Variants in SYNPR observed in about 807,000 individuals in gnomAD.
SYNPR encodes synaptoporin.
In SYNPR, 23 loss-of-function variants were observed where a neutral mutation model predicts 32.9. That is an observed-to-expected ratio of 0.70 (90% CI 0.50 to 0.99). The LOEUF is 0.99. SYNPR is among the 50% of genes least tolerant of loss of function. The pLI is 0.00. For missense variants in SYNPR, 318 were observed against 349.3 expected, an observed-to-expected ratio of 0.91 and a Z score of 0.71; for synonymous variants, 146 against 135.9, an observed-to-expected ratio of 1.07 and a Z score of -0.52.
At chr3:63,443,993 T>C (rs537273258) in intron 2 of SYNPR, among the ~76,000 whole-genome samples, 3 of 152,214 alleles carry the variant, frequency 2.0e-5, no homozygotes, top group South Asian at 2.1e-4. Flanking sequence ...TACGATTGGA[T>C]GCATGCACCT....
At chr3:63,537,129 A>G (rs1026257614) in intron 3 of SYNPR, among the ~76,000 whole-genome samples, 1 of 152,076 alleles carries the variant, frequency 6.6e-6, no homozygotes, top group Non-Finnish European at 1.5e-5. Flanking sequence ...TGTTAATTTT[A>G]TCTCCATAAA....
chr3:63,457,109 C>T (rs1350604362), intron 2 of SYNPR, among the ~76,000 whole-genome samples: 4 of 151,986 alleles, frequency 2.6e-5, no homozygotes, highest in African/African-American at 9.7e-5. Flanking sequence ...GCTAAGAATG[C>T]CTTTTGTAGC....
intron 1 of SYNPR, among the ~76,000 whole-genome samples, chr3:63,233,508 A>C (rs1490008176): frequency 6.6e-6 from 1 of 152,194 alleles, no homozygotes; most frequent in African/African-American, 2.4e-5. Flanking sequence ...TATGGATACC[A>C]CTGCCATTAC....
chr3:63,589,166 G>A (rs1007325657), intron 4 of SYNPR, among the ~76,000 whole-genome samples: 2 of 152,066 alleles, frequency 1.3e-5, no homozygotes, highest in Non-Finnish European at 2.9e-5. Context: ...TCCTGAGACT[G>A]CTTTGAGAAC....
chr3:63,496,736 A>T (rs1036608295), intron 3 of SYNPR, among the ~76,000 whole-genome samples: 2 of 152,142 alleles, frequency 1.3e-5, no homozygotes, highest in Non-Finnish European at 2.9e-5. Flanking sequence ...GCCAAAAAAA[A>T]TTTAAGAAGA....
chr3:63,440,002 C>T (rs772742742), intron 2 of SYNPR, among the ~76,000 whole-genome samples: 24 of 151,972 alleles, frequency 1.6e-4, no homozygotes, highest in East Asian at 1.9e-4. Context: ...CTTTTGTGGA[C>T]GTCTTAGTAA....
intron 2 of SYNPR, among the ~76,000 whole-genome samples, chr3:63,383,613 C>G (rs1560212117): frequency 6.6e-6 from 1 of 151,904 alleles, no homozygotes; most frequent in African/African-American, 2.4e-5. Context: ...CCACTGCCCT[C>G]CAGCCTAGGC....
At chr3:63,253,905 T>G (rs2086359330) in intron 2 of SYNPR, among the ~76,000 whole-genome samples, 1 of 152,140 alleles carries the variant, frequency 6.6e-6, no homozygotes, top group African/African-American at 2.4e-5. Context: ...TAGCAAAGAC[T>G]TGGAACCAAC....
chr3:63,423,330 C>T (rs1699833013), intron 2 of SYNPR, among the ~76,000 whole-genome samples: 1 of 152,122 alleles, frequency 6.6e-6, no homozygotes, highest in Non-Finnish European at 1.5e-5. Context: ...CTCCCTGCCC[C>T]ACACACATAG....
rs1393183961 is a variant in SYNPR, at chr3:63,408,332, G to T, written c.85-72500G>T. The stretch of plus-strand genomic sequence containing the variant: ...GGAAGGAAGGAAGGAAAGAAAGAAA[G>T]AAAGAAAGAAAGAAAGAAAGAAAGA... On this transcript the variant is annotated intron_variant, in intron 2 of 5. Transcript: ENST00000478300. Among the ~76,000 whole-genome samples the T allele has an allele frequency of 3.1e-5, 4 of 129,836 alleles. No individual in the cohort carries two copies. The East Asian group carries it at 7.3e-4, about 24-fold the overall frequency. The allele number at this position is 129,836 out of a possible 152,430, so 85.2% of individuals were successfully genotyped here.
chr3:63,297,064 C>G (rs1431844602), intron 2 of SYNPR, among the ~76,000 whole-genome samples: 1 of 152,090 alleles, frequency 6.6e-6, no homozygotes, highest in Non-Finnish European at 1.5e-5. Context: ...TATTGGACAG[C>G]AAAAGTGTAG....
intron 2 of SYNPR, among the ~76,000 whole-genome samples, chr3:63,290,474 ATG>A (rs2086727960): frequency 6.6e-6 from 1 of 152,182 alleles, no homozygotes; most frequent in African/African-American, 2.4e-5. Flanking sequence ...AAATGCCCTC[ATG>A]ACTAAGGATG....
At chr3:63,257,884 C>G (rs1233475961) in intron 2 of SYNPR, among the ~76,000 whole-genome samples, 3 of 151,948 alleles carry the variant, frequency 2.0e-5, no homozygotes, top group Non-Finnish European at 2.9e-5. Flanking sequence ...ATCTACCAAG[C>G]AAATGGAAAA....
rs370732099 is a variant in SYNPR at position 63,458,791 on chromosome 3, C to T, written c.85-22041C>T. Among the ~76,000 whole-genome samples the T allele has an allele frequency of 1.2e-4, 19 of 152,226 alleles. No individual in the cohort carries two copies. The East Asian group carries it at 1.7e-3, about 14-fold the overall frequency. On this transcript the variant is annotated intron_variant, in intron 2 of 5. Coordinates refer to ENST00000478300, the MANE Select transcript of SYNPR (RefSeq NM_001130003.2). Reference sequence around the variant, plus strand: ...TGCCAGAGCACACTCACCTGATTATCTCAATCTTACCTGAGTTTCAACCTC... The same window carrying T: ...TGCCAGAGCACACTCACCTGATTATTTCAATCTTACCTGAGTTTCAACCTC...
chr3:63,488,872 G>T (rs1200173409), intron 3 of SYNPR, among the ~76,000 whole-genome samples: 2 of 152,056 alleles, frequency 1.3e-5, no homozygotes, highest in African/African-American at 4.8e-5. Flanking sequence ...GGCATGAAAA[G>T]GGTTAAATGA....
chr3:63,556,438 A>G (rs1575709065), intron 3 of SYNPR, 105 bp from the exon 4 acceptor site: 2 of 997,382 alleles, frequency 2.0e-6, no homozygotes, highest in East Asian at 5.3e-5. Flanking sequence ...CATGCACTAA[A>G]ACTCCCAGAT....
At chr3:63,403,541 G>C (rs73110840) in intron 2 of SYNPR, among the ~76,000 whole-genome samples, 351 of 151,832 alleles carry the variant, frequency 2.3e-3, no homozygotes, top group Non-Finnish European at 4.1e-3. Context: ...ACATTTATTG[G>C]ATACCATCCT....
At chr3:63,556,056 G>A (rs1326046553) in intron 3 of SYNPR, among the ~76,000 whole-genome samples, 1 of 152,184 alleles carries the variant, frequency 6.6e-6, no homozygotes, top group African/African-American at 2.4e-5. Context: ...TAGGAAAAGA[G>A]AACAGTCAAC....
At chr3:63,544,157 T>C (rs529635279) in intron 3 of SYNPR, among the ~76,000 whole-genome samples, 1 of 152,174 alleles carries the variant, frequency 6.6e-6, no homozygotes, top group South Asian at 2.1e-4. Flanking sequence ...TTCTTACATG[T>C]CATGTTACAA....
Sources: gnomAD v4.1 joint callset for allele counts (sites outside exome capture counted in the v4.1 genomes callset) on GRCh38, gnomAD v4.1.1 for gene constraint, MANE v1.5 for transcripts, NCBI Gene and HGNC (gene_info 2026-07-23, HGNC 2026-07-21) for gene names.